Variants in RPL21 observed in about 807,000 individuals in gnomAD.
RPL21 encodes large ribosomal subunit protein eL21.
A neutral mutation model predicts 21.2 loss-of-function variants in RPL21; 1 was observed. The observed-to-expected ratio is 0.05, with a 90% confidence interval of 0.02 to 0.22. RPL21 has a LOEUF of 0.22. RPL21 is among the 10% of genes least tolerant of loss of function. RPL21 has a pLI of 1.00. For missense variants in RPL21, 113 were observed against 199.4 expected (o/e 0.57, Z 2.61); for synonymous variants, 52 against 62.9 (o/e 0.83, Z 0.82).
chr13:27,252,638 CTT>C (rs1393935276), intron 1 of RPL21, among the ~76,000 whole-genome samples: 1 of 152,252 alleles, frequency 6.6e-6, no homozygotes, highest in South Asian at 2.1e-4. Flanking sequence ...TGTGTACTAA[CTT>C]AGCACAAGTT....
rs1491335193 is a variant in RPL21, at chr13:27,256,415, CCT to C, written c.394-20_394-19del. 1.3e-6 allele frequency: 2 copies of C among 1,577,310 alleles called. No individual in the cohort carries two copies. Among genetic ancestry groups the C allele is most frequent in the Non-Finnish European group, 1.7e-6 (2 of 1,146,986 alleles). On this transcript the variant is annotated intron_variant, in intron 5 of 5. Transcript: ENST00000311549. ...AACACATCACATAATTATTTTATTC[CCT>C]TTTTTTTTCCTTTAATAGCCTGCTC...
chr13:27,252,428 AAT>A (rs1395055404), intron 1 of RPL21, among the ~76,000 whole-genome samples: 1 of 152,164 alleles, frequency 6.6e-6, no homozygotes, highest in African/African-American at 2.4e-5. Flanking sequence ...CCATGATTTT[AAT>A]ACTCTTACAA....
intron 1 of RPL21, among the ~76,000 whole-genome samples, chr13:27,253,116 A>C (rs921135696): frequency 1.3e-5 from 2 of 152,230 alleles, no homozygotes; most frequent in African/African-American, 4.8e-5. Flanking sequence ...CAGCTACGAA[A>C]GTGTTCACCC....
intron 1 of RPL21, among the ~76,000 whole-genome samples, chr13:27,253,026 A>G (rs1453734004): frequency 1.3e-5 from 2 of 152,228 alleles, no homozygotes; most frequent in East Asian, 1.9e-4. Flanking sequence ...GAATTCTTAG[A>G]TAATGATAAA....
At position 27,254,135 on chromosome 13, in the gene RPL21, T is replaced by C. The variant is rs755435787; in HGVS notation, c.68-85T>C. 17 of 855,236 alleles carry C rather than the reference T, an allele frequency of 2.0e-5. 1 individual carries two copies. The highest frequency in any genetic ancestry group is 9.3e-5 in the South Asian group (7 of 74,990). 53.0% of individuals were successfully genotyped at this position (855,236 alleles called of 1,614,324 possible). Reference sequence around the variant, plus strand: ...AAGCATGTAACCATCAAAAATGATATATGTGTTAAAAGCTAGTAAAATTGC... The same window carrying C: ...AAGCATGTAACCATCAAAAATGATACATGTGTTAAAAGCTAGTAAAATTGC... On this transcript the variant is annotated intron_variant, in intron 2 of 5. Coordinates refer to ENST00000311549, the MANE Select transcript of RPL21 (RefSeq NM_000982.4).
At chr13:27,253,686 G>A in intron 1 of RPL21, 79 bp from the exon 2 acceptor site, 5 of 797,334 alleles carry the variant, frequency 6.3e-6, no homozygotes, top group Admixed American at 1.8e-5. Flanking sequence ...CTACTGAAAT[G>A]TGAACATTTG....
chr13:27,255,457 G>T (rs778212560), intron 4 of RPL21, 103 bp downstream of exon 4: 93 of 773,728 alleles, frequency 1.2e-4, no homozygotes, highest in South Asian at 5.3e-4. Flanking sequence ...TTCAAGTGGG[G>T]CAAAGGAAAT....
intron 3 of RPL21, among the ~76,000 whole-genome samples, chr13:27,254,704 G>C (rs1239700113): frequency 6.6e-6 from 1 of 151,494 alleles, no homozygotes; most frequent in Non-Finnish European, 1.5e-5. Flanking sequence ...TGTATTTTTA[G>C]TAGAGAAGGG....
chr13:27,254,895 A>G, intron 3 of RPL21: 2 of 399,762 alleles, frequency 5.0e-6, no homozygotes, highest in Non-Finnish European at 9.5e-6. Context: ...GTTAACAGCT[A>G]GTGGAAATTG....
intron 1 of RPL21, among the ~76,000 whole-genome samples, chr13:27,253,099 A>C (rs758691523): frequency 5.9e-5 from 9 of 152,232 alleles, no homozygotes; most frequent in Admixed American, 2.6e-4. Context: ...CTTTGTAGAC[A>C]TTACCTCAGC....
chr13:27,252,760 CAT>C (rs1881711187), intron 1 of RPL21, among the ~76,000 whole-genome samples: 1 of 152,288 alleles, frequency 6.6e-6, no homozygotes, highest in East Asian at 1.9e-4. Context: ...TTAGGTGAAA[CAT>C]GTCTTCTTGC....
At chr13:27,255,060 C>A (rs778784634) in intron 3 of RPL21, 182 bp from the exon 4 acceptor site, 1 of 759,054 alleles carries the variant, frequency 1.3e-6, no homozygotes, top group South Asian at 1.4e-5. Flanking sequence ...TATCTTGGCA[C>A]TCGAGCTTAA....
At chr13:27,254,113 C>G in intron 2 of RPL21, 107 bp from the exon 3 acceptor site, 1 of 794,716 alleles carries the variant, frequency 1.3e-6, no homozygotes, top group Non-Finnish European at 2.3e-6. Flanking sequence ...AGATAATAAG[C>G]ATGTAACCAT....
chr13:27,254,355 T>C (rs1881788493), intron 3 of RPL21, 74 bp downstream of exon 3: 3 of 846,830 alleles, frequency 3.5e-6, no homozygotes, highest in Non-Finnish European at 6.2e-6. Context: ...GGAATTCAAA[T>C]ACTAGTGTAT....
At chr13:27,254,991 A>G (rs987574076) in intron 3 of RPL21, 10 of 656,692 alleles carry the variant, frequency 1.5e-5, no homozygotes, top group African/African-American at 1.4e-4. Flanking sequence ...GATTACTATT[A>G]CTATGATTAA....
Position 27,253,812 on chromosome 13 carries a change from A to G in RPL21, c.36A>G (p.Arg12=), listed in dbSNP as rs568462366. 68 of 1,607,486 alleles carry G rather than the reference A, an allele frequency of 4.2e-5. No homozygotes were observed. In the Middle Eastern group the frequency reaches 8.3e-4, roughly 20 times the overall value. ...CAAAGGGAAAGAGGAGAGGCACCCG[A>G]TATATGTTCTCTAGGCCTTTTAGAA... The part of the protein sequence containing the change: ...TNTKGKRRGT[R]YMFSRPFRKH... The change falls in exon 2 of 6, where the codon CGA becomes CGG. Residue 12 remains arginine (R), a synonymous_variant. Transcript: ENST00000311549.
chr13:27,253,695 T>G, intron 1 of RPL21, 70 bp from the exon 2 acceptor site: 1 of 839,978 alleles, frequency 1.2e-6, no homozygotes, highest in South Asian at 1.3e-5. Flanking sequence ...TGTGAACATT[T>G]GAAATTACAG....
At chr13:27,254,131 G>A in intron 2 of RPL21, 89 bp from the exon 3 acceptor site, 1 of 847,714 alleles carries the variant, frequency 1.2e-6, no homozygotes, top group Non-Finnish European at 2.1e-6. Flanking sequence ...CATCAAAAAT[G>A]ATATATGTGT....
At chr13:27,252,885 A>G (rs1386244119) in intron 1 of RPL21, among the ~76,000 whole-genome samples, 2 of 152,244 alleles carry the variant, frequency 1.3e-5, no homozygotes, top group Non-Finnish European at 2.9e-5. Flanking sequence ...TGACTGCTGT[A>G]TTTTACCTTA....
Sources: allele counts gnomAD v4.1 joint callset (sites outside exome capture counted in the v4.1 genomes callset), GRCh38; gene constraint gnomAD v4.1.1; transcripts MANE v1.5; gene names NCBI Gene and HGNC (gene_info 2026-07-23, HGNC 2026-07-21).